Variants in ZNF26 observed in about 807,000 individuals in gnomAD.
The protein encoded by ZNF26 is epididymis luminal protein 179.
ZNF26 carries 32 observed loss-of-function variants against 54.9 expected under a neutral mutation model. That is an observed-to-expected ratio of 0.58 (90% CI 0.44 to 0.78). ZNF26 has a LOEUF of 0.78. ZNF26 is among the 30% of genes least tolerant of loss of function. ZNF26 has a pLI of 0.00. For missense variants in ZNF26, 524 were observed against 634.0 expected (o/e 0.83, Z 1.86); for synonymous variants, 221 against 209.2 (o/e 1.06, Z -0.49).
chr12:133,006,928 C>T (rs1953344744), intron 1 of ZNF26, 114 bp from the exon 2 acceptor site: 2 of 1,306,820 alleles, frequency 1.5e-6, no homozygotes, highest in African/African-American at 1.5e-5. Flanking sequence ...AATGCTGAAC[C>T]AGCCACAGGA....
chr12:132,993,614 C>T (rs1190617574), intron 1 of ZNF26, among the ~76,000 whole-genome samples: 1 of 151,980 alleles, frequency 6.6e-6, no homozygotes, highest in Non-Finnish European at 1.5e-5. Context: ...CTCCACCATG[C>T]CCGGCTGATT....
chr12:133,001,525 G>C lies in ZNF26; in HGVS notation c.34-5517G>C. 1.9e-6 allele frequency: 1 copy of C among 525,394 alleles called. No homozygotes were observed. The highest frequency in any genetic ancestry group is 1.8e-5 in the South Asian group (1 of 54,454). 32.5% of individuals were successfully genotyped at this position (525,394 alleles called of 1,614,324 possible). On this transcript the variant is annotated intron_variant, in intron 1 of 3. Coordinates refer to ENST00000328654, the MANE Select transcript of ZNF26 (RefSeq NM_019591.4). This position sits in a 1 kb window ranked among gnomAD's most constrained non-coding sequence, Gnocchi z 4.7. ...GGGGCTTGGTTGGAGCCTCTGACAG[G>C]GCTCTGCCCTGCAGTTCCATGGTGT...
chr12:133,008,250 C>T (rs36072974), intron 3 of ZNF26, among the ~76,000 whole-genome samples: 2,219 of 152,186 alleles, frequency 0.015, 53 homozygotes, highest in African/African-American at 0.05. Flanking sequence ...CTAAAATTAC[C>T]GTTCTTCCTC....
At position 133,020,728 on chromosome 12, in the gene ZNF26, A is replaced by G. The variant is rs1953629214; in HGVS notation, c.*9247A>G. 6.6e-6 allele frequency: 1 copy of G among 152,164 alleles called. No individual in the cohort carries two copies. The allele number at this position is 152,164 out of a possible 1,614,324, so 9.4% of individuals were successfully genotyped here. A position where few individuals can be genotyped will look rare whatever the true frequency, so the allele number is the denominator to read the frequency against. Reference sequence around the variant, plus strand: ...CAGATATATTGTCTTACTGTTCTGGAGCCTCCATGTTTGAAATCAAGGCAT... The same window carrying G: ...CAGATATATTGTCTTACTGTTCTGGGGCCTCCATGTTTGAAATCAAGGCAT... On this transcript the variant is annotated 3_prime_UTR_variant, in exon 4 of 4. Transcript: ENST00000328654.
At position 133,012,868 on chromosome 12, in the gene ZNF26, C is replaced by T. The variant is rs1216915370; in HGVS notation, c.*1387C>T. ...TCATGGGATTACAGGTGTGAGCCAC[C>T]GAGCCCGGCCAGCTTTCTATTTCTT... On this transcript the variant is annotated 3_prime_UTR_variant, in exon 4 of 4. Coordinates refer to ENST00000328654, the MANE Select transcript of ZNF26 (RefSeq NM_019591.4). 2.6e-5 allele frequency: 4 copies of T among 151,958 alleles called. No homozygotes were observed. The highest frequency in any genetic ancestry group is 7.3e-5 in the African/African-American group (3 of 41,366). 9.4% of individuals were successfully genotyped at this position (151,958 alleles called of 1,614,324 possible). A position where few individuals can be genotyped will look rare whatever the true frequency, so the allele number is the denominator to read the frequency against.
chr12:132,989,852 G>A (rs61953671), intron 1 of ZNF26, among the ~76,000 whole-genome samples: 30,704 of 152,146 alleles, frequency 0.2, 3,936 homozygotes, highest in Non-Finnish European at 0.29. Context: ...TAGTGGGAAA[G>A]CTTCAAGTTT....
rs766081575 is a variant in ZNF26 at position 132,995,211 on chromosome 12, A to G, written c.33+8338A>G. On this transcript the variant is annotated intron_variant, in intron 1 of 3. Transcript: ENST00000328654. The stretch of plus-strand genomic sequence containing the variant: ...CCACTTTTCAAAAAATTGCACCACC[A>G]TAGTTGATGTGGGTGTGTTGTGTAG... 1,285 of 152,808 alleles carry G rather than the reference A, an allele frequency of 8.4e-3. 54 individuals are homozygous for G. The highest frequency in any genetic ancestry group is 0.074 in the Admixed American group (1,138 of 15,292). The allele number at this position is 152,808 out of a possible 1,614,324, so 9.5% of individuals were successfully genotyped here. A position where few individuals can be genotyped will look rare whatever the true frequency, so the allele number is the denominator to read the frequency against.
At position 133,007,586 on chromosome 12, in the gene ZNF26, C is replaced by T. The variant is rs7304881; in HGVS notation, c.256+54C>T. On this transcript the variant is annotated intron_variant, in intron 3 of 3. Coordinates refer to ENST00000328654, the MANE Select transcript of ZNF26 (RefSeq NM_019591.4). ...AGGCATGGGAGTGAGCTGATGAGTA[C>T]CTGAGGAGTGGGCACTCACAGTGTT... 14,341 of 1,284,620 alleles carry T rather than the reference C, an allele frequency of 0.011. 1,220 individuals are homozygous for T. In the African/African-American group the frequency reaches 0.18, roughly 16 times the overall value. The allele number at this position is 1,284,620 out of a possible 1,614,324, so 79.6% of individuals were successfully genotyped here.
Position 133,016,612 on chromosome 12 carries a change from C to G in ZNF26, c.*5131C>G, listed in dbSNP as rs2137273623. The G allele has an allele frequency of 6.6e-6, 1 of 151,070 alleles. No homozygotes were observed. Among genetic ancestry groups the G allele is most frequent in the South Asian group, 2.1e-4 (1 of 4,722 alleles). 9.4% of individuals were successfully genotyped at this position (151,070 alleles called of 1,614,324 possible). A position where few individuals can be genotyped will look rare whatever the true frequency, so the allele number is the denominator to read the frequency against. ...CCAGTCTGGACAACAAAGCAAAACC[C>G]CATCTCTGAAAAAAAAAAAATACCC... On this transcript the variant is annotated 3_prime_UTR_variant, in exon 4 of 4. Coordinates refer to ENST00000328654, the MANE Select transcript of ZNF26 (RefSeq NM_019591.4).
chr12:133,020,704 A>T lies in ZNF26; in HGVS notation c.*9223A>T, dbSNP rs1028656603. On this transcript the variant is annotated 3_prime_UTR_variant, in exon 4 of 4. Transcript: ENST00000328654. ...ACAAACTGGATGGCTTAAACAACACAGATATATTGTCTTACTGTTCTGGAG... is the reference window on the plus strand; with the variant it reads ...ACAAACTGGATGGCTTAAACAACACTGATATATTGTCTTACTGTTCTGGAG... The T allele has an allele frequency of 2.6e-5, 4 of 152,302 alleles. No individual in the cohort carries two copies. In the South Asian group the frequency reaches 8.3e-4, roughly 32 times the overall value. The allele number at this position is 152,302 out of a possible 1,614,324, so 9.4% of individuals were successfully genotyped here.
rs1409310735 is a variant in ZNF26 at position 133,022,303 on chromosome 12, A to G, written c.*10822A>G. The G allele has an allele frequency of 2.6e-5, 4 of 152,246 alleles. No individual in the cohort carries two copies. The highest frequency in any genetic ancestry group is 4.4e-5 in the Non-Finnish European group (3 of 68,052). The allele number at this position is 152,246 out of a possible 1,614,324, so 9.4% of individuals were successfully genotyped here. A position where few individuals can be genotyped will look rare whatever the true frequency, so the allele number is the denominator to read the frequency against. On this transcript the variant is annotated 3_prime_UTR_variant, in exon 4 of 4. Transcript: ENST00000328654. ...GTATATTCAAATCAATTTTATTTCT[A>G]TATATCAGAAAAATAATATAAAATG...
rs2137285903 is a variant in ZNF26, at chr12:133,022,926, A to T, written c.*11445A>T. 1 of 152,346 alleles carries T rather than the reference A, an allele frequency of 6.6e-6. No homozygotes were observed. Among genetic ancestry groups the T allele is most frequent in the African/African-American group, 2.4e-5 (1 of 41,588 alleles). 9.4% of individuals were successfully genotyped at this position (152,346 alleles called of 1,614,324 possible). ...TTTATGTGACAAAACAACGGGGAAA[A>T]AAAGCTAGAAAATGATAATCAAAAT... On this transcript the variant is annotated 3_prime_UTR_variant, in exon 4 of 4. Transcript: ENST00000328654.
chr12:132,995,031 C>A (rs1245617882), intron 1 of ZNF26, among the ~76,000 whole-genome samples: 1 of 152,088 alleles, frequency 6.6e-6, no homozygotes, highest in Non-Finnish European at 1.5e-5. Flanking sequence ...CACATACTTA[C>A]GAATGATACT....
chr12:133,000,993 C>T lies in ZNF26; in HGVS notation c.34-6049C>T, dbSNP rs935296923. Among the ~76,000 whole-genome samples, 55 of 152,276 alleles carry T rather than the reference C, an allele frequency of 3.6e-4. No homozygotes were observed. In the East Asian group the frequency reaches 8.9e-3, roughly 25 times the overall value. On this transcript the variant is annotated intron_variant, in intron 1 of 3. Transcript: ENST00000328654. ...ACCTTCCCTCTTCCATCCTGTGTCCCCAGAAGCAGCCACTTTGGGCTCCGT... is the reference window on the plus strand; with the variant it reads ...ACCTTCCCTCTTCCATCCTGTGTCCTCAGAAGCAGCCACTTTGGGCTCCGT...
chr12:132,992,834 A>G (rs1593636555), intron 1 of ZNF26, among the ~76,000 whole-genome samples: 1 of 101,730 alleles, frequency 9.8e-6, no homozygotes, highest in African/African-American at 4.8e-5. Context: ...GCATATCTAC[A>G]CCTTTTGTGG....
rs1953214469 is a variant in ZNF26 at position 133,001,323 on chromosome 12, A to C, written c.34-5719A>C. On this transcript the variant is annotated intron_variant, in intron 1 of 3. Transcript: ENST00000328654. This position sits in a 1 kb window ranked among gnomAD's most constrained non-coding sequence, Gnocchi z 4.7. Reference sequence around the variant, plus strand: ...ACTCCAAGCTCTTGTACCTCCCCTCATTCTAGCCTGCAGAGGGGAGATGGA... The same window carrying C: ...ACTCCAAGCTCTTGTACCTCCCCTCCTTCTAGCCTGCAGAGGGGAGATGGA... Among the ~76,000 whole-genome samples the C allele has an allele frequency of 6.6e-6, 1 of 152,040 alleles. No homozygotes were observed. The highest frequency in any genetic ancestry group is 1.9e-4 in the East Asian group (1 of 5,184).
chr12:132,997,966 T>C (rs937375660), intron 1 of ZNF26, among the ~76,000 whole-genome samples: 1 of 152,124 alleles, frequency 6.6e-6, no homozygotes, highest in Non-Finnish European at 1.5e-5. Context: ...TAATAAAAAC[T>C]CAGAACAGCA....
intron 1 of ZNF26, among the ~76,000 whole-genome samples, chr12:132,994,624 AGTTGTATGATATTCT>A (rs1166668985): frequency 2.0e-4 from 30 of 152,126 alleles, no homozygotes; most frequent in African/African-American, 6.5e-4. Flanking sequence ...ATTTTTGTGA[AGTTGTATGATATTCT>A]GTTGTATGAA....
chr12:132,999,143 G>T (rs1033244207), intron 1 of ZNF26, among the ~76,000 whole-genome samples: 3 of 152,218 alleles, frequency 2.0e-5, no homozygotes, highest in African/African-American at 7.2e-5. Flanking sequence ...TGTTTACACA[G>T]TTCCAGAGTC....
Sources: allele counts gnomAD v4.1 joint callset (sites outside exome capture counted in the v4.1 genomes callset), GRCh38; gene constraint gnomAD v4.1.1; non-coding constraint Gnocchi (gnomAD v3.1); transcripts MANE v1.5; gene names NCBI Gene and HGNC (gene_info 2026-07-23, HGNC 2026-07-21).